Variants in HHAT observed in about 807,000 individuals in gnomAD.
HHAT encodes the protein protein-cysteine N-palmitoyltransferase HHAT.
HHAT carries 47 observed loss-of-function variants against 70.8 expected under a neutral mutation model. The ratio of observed to expected loss-of-function variants is 0.66; its 90% CI spans 0.53 to 0.85. The LOEUF is 0.85. HHAT is among the 40% of genes least tolerant of loss of function. The probability of loss-of-function intolerance (pLI) is 0.00; values close to 1 mark genes in which losing one functional copy is unlikely to be tolerated. For synonymous variants in HHAT, 228 were observed against 247.6 expected, an observed-to-expected ratio of 0.92 and a Z score of 0.74; for missense variants, 609 against 604.8, an observed-to-expected ratio of 1.01 and a Z score of -0.07.
intron 9 of HHAT, among the ~76,000 whole-genome samples, chr1:210,518,422 C>CT (rs1477711961): frequency 3.9e-5 from 6 of 152,204 alleles, no homozygotes; most frequent in Non-Finnish European, 5.9e-5. Flanking sequence ...GGATTTCATT[C>CT]TTTTTTATGG....
chr1:210,554,941 T>C (rs1299984023), intron 9 of HHAT, among the ~76,000 whole-genome samples: 1 of 152,152 alleles, frequency 6.6e-6, no homozygotes, highest in African/African-American at 2.4e-5. Context: ...CTCTTCTTCC[T>C]ACCTCTGTCT....
At chr1:210,665,590 T>C (rs1678720289) in intron 11 of HHAT, among the ~76,000 whole-genome samples, 1 of 152,178 alleles carries the variant, frequency 6.6e-6, no homozygotes, top group South Asian at 2.1e-4. Flanking sequence ...AGCCTCTAGC[T>C]AGAAAACTTG....
At chr1:210,464,914 T>C (rs2094067817) in intron 8 of HHAT, among the ~76,000 whole-genome samples, 1 of 152,190 alleles carries the variant, frequency 6.6e-6, no homozygotes, top group Non-Finnish European at 1.5e-5. Flanking sequence ...AGGGTTATGT[T>C]TGAAGTGGTT....
At chr1:210,619,992 T>C (rs764881250) in intron 10 of HHAT, among the ~76,000 whole-genome samples, 1 of 152,222 alleles carries the variant, frequency 6.6e-6, no homozygotes, top group Non-Finnish European at 1.5e-5. Context: ...TCAACATGAA[T>C]TCTCTTGTCA....
intron 9 of HHAT, among the ~76,000 whole-genome samples, chr1:210,573,957 A>G (rs988728899): frequency 6.6e-6 from 1 of 152,206 alleles, no homozygotes; most frequent in Non-Finnish European, 1.5e-5. Context: ...GACAAAGGAA[A>G]TTCGCCAGGA....
intron 6 of HHAT, among the ~76,000 whole-genome samples, chr1:210,407,807 C>G (rs1219866398): frequency 6.6e-6 from 1 of 152,078 alleles, no homozygotes; most frequent in Non-Finnish European, 1.5e-5. Flanking sequence ...TAGCCTGAAG[C>G]CTGGGGCCAC....
intron 7 of HHAT, among the ~76,000 whole-genome samples, chr1:210,424,682 G>A (rs1362847494): frequency 6.6e-6 from 1 of 151,698 alleles, no homozygotes; most frequent in Admixed American, 6.6e-5. Context: ...ACATGATATT[G>A]TTCTTTTTTA....
intron 6 of HHAT, among the ~76,000 whole-genome samples, chr1:210,415,976 G>A (rs1487110154): frequency 2.0e-5 from 3 of 152,028 alleles, no homozygotes; most frequent in Non-Finnish European, 4.4e-5. Context: ...CATTTTAAAA[G>A]TTAAAGCAAC....
chr1:210,465,872 G>A (rs948029171), intron 8 of HHAT, among the ~76,000 whole-genome samples: 2 of 151,542 alleles, frequency 1.3e-5, no homozygotes, highest in Non-Finnish European at 2.9e-5. Flanking sequence ...TGCAAGGAAT[G>A]AATTGCAAGG....
intron 7 of HHAT, among the ~76,000 whole-genome samples, chr1:210,448,645 C>T (rs1345414370): frequency 6.6e-6 from 1 of 152,168 alleles, no homozygotes; most frequent in African/African-American, 2.4e-5. Context: ...AGTAGCCATT[C>T]TCATCCCAGC....
chr1:210,548,946 C>T (rs1416824875), intron 9 of HHAT, among the ~76,000 whole-genome samples: 2 of 152,194 alleles, frequency 1.3e-5, no homozygotes, highest in Non-Finnish European at 2.9e-5. Context: ...AGTTTACTGC[C>T]AGGCTCATGG....
At chr1:210,424,936 A>G (rs2148299319) in intron 7 of HHAT, among the ~76,000 whole-genome samples, 1 of 152,272 alleles carries the variant, frequency 6.6e-6, no homozygotes, top group East Asian at 1.9e-4. Context: ...TGTCTTCTAT[A>G]ATGGTTGAAC....
intron 8 of HHAT, among the ~76,000 whole-genome samples, chr1:210,483,579 T>G (rs1409535665): frequency 6.7e-6 from 1 of 148,786 alleles, no homozygotes; most frequent in Non-Finnish European, 1.5e-5. Flanking sequence ...GATGTGAAAA[T>G]AGATTAGTTT....
At chr1:210,504,902 C>CTT (rs71571952) in intron 8 of HHAT, among the ~76,000 whole-genome samples, 9,840 of 124,446 alleles carry the variant, frequency 0.079, 911 homozygotes, top group East Asian at 0.34. Context: ...GCTTTTTATT[C>CTT]TTTTTTTTTT....
In HHAT at chr1:210,573,671, A is replaced by G. The variant is rs182940924; in HGVS notation, c.1044-14227A>G. On this transcript the variant is annotated intron_variant, in intron 9 of 11. Coordinates refer to ENST00000261458, the MANE Select transcript of HHAT (RefSeq NM_018194.6). ...CAGCAGCTTTCTAGGAGAGGTTGGC[A>G]TTGGCATGTGTCCCCCCATCAGTCC... Among the ~76,000 whole-genome samples, 452 of 152,260 alleles carry G rather than the reference A, an allele frequency of 3.0e-3. 7 individuals carry two copies. The highest frequency in any genetic ancestry group is 0.017 in the South Asian group (83 of 4,812).
chr1:210,355,866 A>AT (rs1220061846), intron 2 of HHAT, among the ~76,000 whole-genome samples: 1 of 152,100 alleles, frequency 6.6e-6, no homozygotes, highest in African/African-American at 2.4e-5. Flanking sequence ...TTTCAGGGTT[A>AT]TTGGTATGTT....
chr1:210,564,369 A>C (rs960057929), intron 9 of HHAT, among the ~76,000 whole-genome samples: 3 of 152,188 alleles, frequency 2.0e-5, no homozygotes, highest in Admixed American at 6.5e-5. Flanking sequence ...GGCAGAGAAT[A>C]AGTAGCCTGA....
rs116573429 is a variant in HHAT, at chr1:210,621,682, C to T, written c.1246-1844C>T. Among the ~76,000 whole-genome samples the T allele has an allele frequency of 5.7e-3, 873 of 152,308 alleles. 15 individuals carry two copies. The highest frequency in any genetic ancestry group is 0.02 in the African/African-American group (845 of 41,558). On this transcript the variant is annotated intron_variant, in intron 10 of 11. Coordinates refer to ENST00000261458, the MANE Select transcript of HHAT (RefSeq NM_018194.6). Reference sequence around the variant, plus strand: ...CAGTTTTCACACCATGTAGTTATCTCGTACCAGGTCTTGTCTGACAGTGTC... The same window carrying T: ...CAGTTTTCACACCATGTAGTTATCTTGTACCAGGTCTTGTCTGACAGTGTC...
In HHAT at chr1:210,392,940, A is replaced by G. The variant is rs147663714; in HGVS notation, c.273+5359A>G. 2.6e-4 allele frequency among the ~76,000 whole-genome samples: 40 copies of G among 152,214 alleles called. No homozygotes were observed. In the East Asian group the frequency reaches 6.6e-3, roughly 25 times the overall value. On this transcript the variant is annotated intron_variant, in intron 4 of 11. Transcript: ENST00000261458. The stretch of plus-strand genomic sequence containing the variant: ...ACCTGACATTGGCAGAAATCTAGCT[A>G]TATTAGGATATAGATGTCCCTTCAT...
Sources: allele counts gnomAD v4.1 joint callset (sites outside exome capture counted in the v4.1 genomes callset), GRCh38; gene constraint gnomAD v4.1.1; transcripts MANE v1.5; gene names NCBI Gene and HGNC (gene_info 2026-07-23, HGNC 2026-07-21).